The following DIXDC1 variants were observed in gnomAD, a reference collection of about 807,000 sequenced individuals.
The protein encoded by DIXDC1 is dixin.
In DIXDC1, 64 loss-of-function variants were observed where a neutral mutation model predicts 103.1. The ratio of observed to expected loss-of-function variants is 0.62; its 90% CI spans 0.51 to 0.76. The LOEUF is 0.76. Ranked by LOEUF, DIXDC1 falls within the 30% of genes least tolerant of loss-of-function variation. DIXDC1 has a pLI of 0.00. For synonymous variants in DIXDC1, 266 were observed against 298.5 expected, an observed-to-expected ratio of 0.89 and a Z score of 1.12; for missense variants, 759 against 834.2, an observed-to-expected ratio of 0.91 and a Z score of 1.11.
intron 16 of DIXDC1, 145 bp downstream of exon 16, chr11:111,995,709 A>G (rs1468253463): frequency 1.5e-5 from 16 of 1,034,616 alleles, no homozygotes; most frequent in Non-Finnish European, 2.2e-5. Context: ...TTTTTCTCTC[A>G]GTGGAACTGA....
chr11:111,929,410 A>G (rs1555167416), intron 1 of DIXDC1, among the ~76,000 whole-genome samples: 3 of 151,890 alleles, frequency 2.0e-5, no homozygotes, highest in East Asian at 1.9e-4. Context: ...TACCTAAGCA[A>G]CTAGGTTTAA....
At position 111,986,928 on chromosome 11, in the gene DIXDC1, T is replaced by A; in HGVS notation, c.1062+4T>A. The A allele has an allele frequency of 6.4e-7, 1 of 1,571,246 alleles. No homozygotes were observed. Among genetic ancestry groups the A allele is most frequent in the South Asian group, 1.2e-5 (1 of 85,638 alleles). On this transcript the variant is annotated splice_donor_region_variant and intron_variant, in intron 9 of 19. Transcript: ENST00000440460. Reference sequence around the variant, plus strand: ...GGAGGAGAATCAGGACTTAAAGGTATGTCAAGACATGTACATTTTACCCCT... The same window carrying A: ...GGAGGAGAATCAGGACTTAAAGGTAAGTCAAGACATGTACATTTTACCCCT...
At chr11:111,935,874 C>T (rs1387219567), upstream of DIXDC1, among the ~76,000 whole-genome samples, 2 of 152,246 alleles carry the variant, frequency 1.3e-5, no homozygotes, top group Non-Finnish European at 2.9e-5. Flanking sequence ...CACTCAACAC[C>T]TGTGCTGGCC....
chr11:111,982,175 TTC>T, intron 6 of DIXDC1, 162 bp from the exon 7 acceptor site: 1 of 626,740 alleles, frequency 1.6e-6, no homozygotes, highest in South Asian at 2.8e-5. Context: ...TCACAGCCAA[TTC>T]TTTAGGCCTC....
At chr11:111,948,455 G>T (rs1218170605) in intron 1 of DIXDC1, among the ~76,000 whole-genome samples, 6 of 151,914 alleles carry the variant, frequency 3.9e-5, no homozygotes, top group Non-Finnish European at 7.4e-5. Context: ...TGCCCTGGTG[G>T]TCACTGCCTC....
rs782335956 is a variant in DIXDC1 at position 111,998,742 on chromosome 11, C to T, written c.1756+2596C>T. The stretch of plus-strand genomic sequence containing the variant: ...AGAGACAGGGTTTCACTGTGTTGCC[C>T]AGGCTGGTCTTGAACTCTTGAGCTC... On this transcript the variant is annotated intron_variant, in intron 17 of 19. Coordinates refer to ENST00000440460, the MANE Select transcript of DIXDC1 (RefSeq NM_001037954.4). This position sits in a 1 kb window ranked among gnomAD's most constrained non-coding sequence, Gnocchi z 4.1. Among the ~76,000 whole-genome samples, 1 of 152,160 alleles carries T rather than the reference C, an allele frequency of 6.6e-6. No homozygotes were observed. Among genetic ancestry groups the T allele is most frequent in the Non-Finnish European group, 1.5e-5 (1 of 68,022 alleles).
chr11:111,992,228 T>TGCTA (rs1460312957), intron 10 of DIXDC1, among the ~76,000 whole-genome samples, 187 bp from the exon 11 acceptor site: 1 of 152,190 alleles, frequency 6.6e-6, no homozygotes, highest in Non-Finnish European at 1.5e-5. Flanking sequence ...TTGCTCTGGA[T>TGCTA]GCTAGTTTCC....
chr11:111,977,053 C>A lies in DIXDC1; in HGVS notation c.656+2070C>A, dbSNP rs1860121733. The A allele has an allele frequency of 6.2e-6, 1 of 161,626 alleles. No individual in the cohort carries two copies. The highest frequency in any genetic ancestry group is 1.3e-5 in the Non-Finnish European group (1 of 76,498). The allele number at this position is 161,626 out of a possible 1,614,324, so 10.0% of individuals were successfully genotyped here. A position where few individuals can be genotyped will look rare whatever the true frequency, so the allele number is the denominator to read the frequency against. On this transcript the variant is annotated intron_variant, in intron 5 of 19. Transcript: ENST00000440460. The surrounding 1 kb of genome is among the most constrained non-coding windows in gnomAD (Gnocchi z 6.1). ...CTCCCCAGCACTCAGACCACTAGAG[C>A]CCTCCTCGTGATTCTGCCGATACGC...
At chr11:112,000,140 T>A (rs1555175833) in intron 17 of DIXDC1, among the ~76,000 whole-genome samples, 1 of 151,492 alleles carries the variant, frequency 6.6e-6, no homozygotes, top group Non-Finnish European at 1.5e-5. Flanking sequence ...GTCTCAAAAA[T>A]AATAATAATA....
chr11:112,003,616 T>C (rs190316986), intron 17 of DIXDC1, among the ~76,000 whole-genome samples: 2 of 151,994 alleles, frequency 1.3e-5, no homozygotes, highest in East Asian at 1.9e-4. Context: ...CTGACCAACA[T>C]GGAGAAACCC....
At chr11:111,974,436 AT>A (rs1860033274) in intron 4 of DIXDC1, 182 bp downstream of exon 4, 8 of 635,746 alleles carry the variant, frequency 1.3e-5, no homozygotes, top group Middle Eastern at 4.3e-4. Context: ...TGAGATGTTT[AT>A]TTTTATTTTG....
intron 14 of DIXDC1, among the ~76,000 whole-genome samples, chr11:111,994,437 TCA>T (rs1266045524): frequency 6.6e-6 from 1 of 150,824 alleles, no homozygotes; most frequent in African/African-American, 2.4e-5. Flanking sequence ...ATATATACAC[TCA>T]CACATATATA....
At chr11:111,983,296 C>T (rs1860381893) in intron 7 of DIXDC1, among the ~76,000 whole-genome samples, 1 of 152,182 alleles carries the variant, frequency 6.6e-6, no homozygotes, top group Non-Finnish European at 1.5e-5. Flanking sequence ...CGGTGGAGGG[C>T]GTGCTCCCAG....
chr11:111,938,315 T>A (rs1966290571), intron 1 of DIXDC1, among the ~76,000 whole-genome samples: 1 of 152,122 alleles, frequency 6.6e-6, no homozygotes, highest in Non-Finnish European at 1.5e-5. Flanking sequence ...TTGGGATGCT[T>A]CCCCCTCAAG....
rs1397931837 is a variant in DIXDC1, at chr11:112,017,681, T to C, written c.1863-96T>C. On this transcript the variant is annotated intron_variant, in intron 18 of 19. Coordinates refer to ENST00000440460, the MANE Select transcript of DIXDC1 (RefSeq NM_001037954.4). The surrounding 1 kb of genome is among the most constrained non-coding windows in gnomAD (Gnocchi z 4.0). ...GACCTAACAAGGGGCTATTTCTGCT[T>C]ATTGACTTTGGCAGGGGGCTGTGTT... is the stretch of plus-strand genomic sequence containing the variant. The C allele has an allele frequency of 2.0e-6, 2 of 996,890 alleles. No individual in the cohort carries two copies. The highest frequency in any genetic ancestry group is 3.0e-6 in the Non-Finnish European group (2 of 666,002). The allele number at this position is 996,890 out of a possible 1,614,324, so 61.8% of individuals were successfully genotyped here. A position where few individuals can be genotyped will look rare whatever the true frequency, so the allele number is the denominator to read the frequency against.
chr11:111,995,310 ATCT>A, intron 15 of DIXDC1, 90 bp from the exon 16 acceptor site: 2 of 1,531,182 alleles, frequency 1.3e-6, no homozygotes, highest in East Asian at 2.3e-5. Flanking sequence ...TGGGGGAAAA[ATCT>A]TCTGGAAACT....
At chr11:111,975,963 CAT>C (rs1398614615) in intron 5 of DIXDC1, 1 of 899,450 alleles carries the variant, frequency 1.1e-6, no homozygotes, top group African/African-American at 1.8e-5. Flanking sequence ...ATTCACATAA[CAT>C]AAAATTAACC....
At chr11:112,001,620 T>C (rs1240135905) in intron 17 of DIXDC1, among the ~76,000 whole-genome samples, 5 of 151,872 alleles carry the variant, frequency 3.3e-5, no homozygotes, top group Non-Finnish European at 7.4e-5. Context: ...AGAGATGAAA[T>C]CATAGTGCAG....
intron 1 of DIXDC1, chr11:111,929,698 C>T: frequency 3.5e-6 from 2 of 563,736 alleles, no homozygotes; most frequent in Non-Finnish European, 6.1e-6. Context: ...TCTGATACTT[C>T]AAGATGACTT....
Sources: gnomAD v4.1 joint callset for allele counts (sites outside exome capture counted in the v4.1 genomes callset) on GRCh38, gnomAD v4.1.1 for gene constraint, Gnocchi (gnomAD v3.1) non-coding constraint, MANE v1.5 for transcripts, NCBI Gene and HGNC (gene_info 2026-07-23, HGNC 2026-07-21) for gene names.